The following PCNX2 variants were observed in gnomAD, a reference collection of about 807,000 sequenced individuals.
PCNX2 encodes the protein pecanex 2.
In PCNX2, 168 loss-of-function variants were observed where a neutral mutation model predicts 223.8. The observed-to-expected ratio is 0.75, with a 90% confidence interval of 0.66 to 0.85. The LOEUF (loss-of-function observed/expected upper bound fraction) is 0.85. Among genes scored for constraint, PCNX2 ranks in the 40% least tolerant of loss-of-function variants. The pLI is 0.00. For missense variants in PCNX2, 2,507 were observed against 2,675.5 expected (o/e 0.94, Z 1.39); for synonymous variants, 1,006 against 1,052.6 (o/e 0.96, Z 0.86).
intron 5 of PCNX2, among the ~76,000 whole-genome samples, chr1:233,255,029 C>T (rs898717233): frequency 2.0e-5 from 3 of 152,128 alleles, no homozygotes; most frequent in Non-Finnish European, 2.9e-5. Context: ...ACGTAGAACT[C>T]TGACCAATAA....
At chr1:233,128,126 T>C (rs1676209141) in intron 21 of PCNX2, among the ~76,000 whole-genome samples, 1 of 152,180 alleles carries the variant, frequency 6.6e-6, no homozygotes, top group Non-Finnish European at 1.5e-5. Flanking sequence ...AGCTTTATCA[T>C]AAATACAACC....
intron 17 of PCNX2, among the ~76,000 whole-genome samples, chr1:233,166,714 T>A (rs1285778928): frequency 6.6e-6 from 1 of 152,138 alleles, no homozygotes; most frequent in Non-Finnish European, 1.5e-5. Flanking sequence ...GAAACAGTTG[T>A]TTTTCCCCAA....
chr1:233,011,295 G>T lies in PCNX2; in HGVS notation c.4952+3370C>A, dbSNP rs192078301. The stretch of plus-strand genomic sequence containing the variant: ...ACAACATTAATATATTAAAGAAGAA[G>T]AATAATATCACCCAAATTATGCCCC... On this transcript the variant is annotated intron_variant, in intron 28 of 33. Coordinates refer to ENST00000258229, the MANE Select transcript of PCNX2 (RefSeq NM_014801.4). Among the ~76,000 whole-genome samples the T allele has an allele frequency of 1.1e-3, 162 of 152,178 alleles. 1 individual carries two copies. Among genetic ancestry groups the T allele is most frequent in the Non-Finnish European group, 1.0e-3 (71 of 67,996 alleles).
intron 32 of PCNX2, among the ~76,000 whole-genome samples, chr1:232,993,851 C>A (rs1669788156): frequency 1.3e-5 from 2 of 152,204 alleles, no homozygotes; most frequent in Admixed American, 1.3e-4. Context: ...ACAGCTTGGG[C>A]CATTGCTTCA....
chr1:233,048,471 C>G (rs1671893588), intron 25 of PCNX2, among the ~76,000 whole-genome samples: 1 of 152,078 alleles, frequency 6.6e-6, no homozygotes, highest in African/African-American at 2.4e-5. Context: ...CAAATAAAAA[C>G]AGAGACACAA....
intron 15 of PCNX2, among the ~76,000 whole-genome samples, chr1:233,185,408 C>T (rs1378906229): frequency 6.6e-6 from 1 of 152,100 alleles, no homozygotes; most frequent in Non-Finnish European, 1.5e-5. Flanking sequence ...CCATGTACCC[C>T]ACCACCTTAA....
At chr1:233,007,662 C>T (rs562389970) in intron 28 of PCNX2, among the ~76,000 whole-genome samples, 37 of 152,136 alleles carry the variant, frequency 2.4e-4, no homozygotes, top group Non-Finnish European at 3.2e-4. Flanking sequence ...CTCAGCCTCC[C>T]GAGTAGCTGG....
rs775673174 is a variant in PCNX2, at chr1:233,258,579, A to G, written c.1283T>C (p.Ile428Thr). Reference sequence around the variant, plus strand: ...AGGCAGGTCCAGGGTGATTACAGGAATTGAGATCTGCTCGGCATTTGGAGA... The same window carrying G: ...AGGCAGGTCCAGGGTGATTACAGGAGTTGAGATCTGCTCGGCATTTGGAGA... ...AGSPNAEQIS[I>T]PVITLDLPEG... is the part of the protein sequence containing the mutation. Residue 428 changes from isoleucine (I) to threonine (T), a missense_variant, in exon 5 of 34, where the codon ATT becomes ACT. Ile to Thr is a moderately conservative substitution (Grantham distance 89). Coordinates refer to ENST00000258229, the MANE Select transcript of PCNX2 (RefSeq NM_014801.4). 6.2e-7 allele frequency: 1 copy of G among 1,613,946 alleles called. No individual in the cohort carries two copies. The highest frequency in any genetic ancestry group is 8.5e-7 in the Non-Finnish European group (1 of 1,179,878).
At chr1:233,028,000 G>A (rs143627840) in intron 25 of PCNX2, among the ~76,000 whole-genome samples, 16 of 152,200 alleles carry the variant, frequency 1.1e-4, no homozygotes, top group African/African-American at 3.9e-4. Context: ...CTTGACTCCT[G>A]AGTTTAGAAG....
intron 1 of PCNX2, among the ~76,000 whole-genome samples, chr1:233,290,519 G>A (rs186714912): frequency 1.3e-5 from 2 of 152,190 alleles, no homozygotes; most frequent in Admixed American, 1.3e-4. Context: ...GTAAAATCTT[G>A]GGAAAACATT....
At chr1:233,270,066 CA>C (rs1228684469) in intron 1 of PCNX2, among the ~76,000 whole-genome samples, 1 of 152,130 alleles carries the variant, frequency 6.6e-6, no homozygotes, top group African/African-American at 2.4e-5. Context: ...CATCCCCATT[CA>C]TTCATTCATT....
chr1:233,196,466 A>G (rs1680742323), intron 15 of PCNX2, among the ~76,000 whole-genome samples: 1 of 152,162 alleles, frequency 6.6e-6, no homozygotes, highest in Admixed American at 6.5e-5. Context: ...TGTAGCATAT[A>G]TCTGTTAAAG....
At chr1:233,068,902 TGAAAA>T (rs762220802) in intron 23 of PCNX2, among the ~76,000 whole-genome samples, 43 of 152,184 alleles carry the variant, frequency 2.8e-4, no homozygotes, top group African/African-American at 9.6e-4. Flanking sequence ...AGCAAGTAGA[TGAAAA>T]ACTATGACCT....
the PCNX2 span, among the ~76,000 whole-genome samples, chr1:233,310,649 G>A: frequency 6.6e-6 from 1 of 152,120 alleles, no homozygotes; most frequent in Admixed American, 6.5e-5. Context: ...AAGTTGCTGT[G>A]AGGTGTCTCT....
intron 8 of PCNX2, among the ~76,000 whole-genome samples, chr1:233,239,777 T>C (rs867176871): frequency 3.9e-5 from 6 of 152,244 alleles, no homozygotes; most frequent in Admixed American, 1.3e-4. Flanking sequence ...TTTTCTTATA[T>C]TAAATAGCAA....
chr1:233,069,592 A>G (rs1196946185), intron 23 of PCNX2, among the ~76,000 whole-genome samples: 1 of 152,182 alleles, frequency 6.6e-6, no homozygotes, highest in Non-Finnish European at 1.5e-5. Flanking sequence ...GAAACTGAAC[A>G]GCACAATTCT....
intron 19 of PCNX2, among the ~76,000 whole-genome samples, chr1:233,151,169 A>G (rs1052972827): frequency 3.0e-4 from 46 of 152,174 alleles, no homozygotes; most frequent in African/African-American, 1.1e-3. Context: ...GTAAAGTGTA[A>G]TTTGTATGTT....
chr1:233,123,364 G>A (rs1372789506), intron 21 of PCNX2, among the ~76,000 whole-genome samples: 1 of 152,064 alleles, frequency 6.6e-6, no homozygotes, highest in Non-Finnish European at 1.5e-5. Context: ...GGCGGATCAC[G>A]AGGTCAGGAG....
intron 25 of PCNX2, among the ~76,000 whole-genome samples, chr1:233,042,030 G>A (rs1207481683): frequency 6.6e-6 from 1 of 152,172 alleles, no homozygotes; most frequent in Non-Finnish European, 1.5e-5. Flanking sequence ...TGCATTTTGT[G>A]TTTAGACTTG....
Sources: gnomAD v4.1 joint callset for allele counts (sites outside exome capture counted in the v4.1 genomes callset) on GRCh38, gnomAD v4.1.1 for gene constraint, MANE v1.5 for transcripts, NCBI Gene and HGNC (gene_info 2026-07-23, HGNC 2026-07-21) for gene names.